The following SAMD3 variants were observed in gnomAD, a reference collection of about 807,000 sequenced individuals.
The protein encoded by SAMD3 is sterile alpha motif domain containing 3.
SAMD3 carries 63 observed loss-of-function variants against 58.5 expected under a neutral mutation model. That is an observed-to-expected ratio of 1.08 (90% CI 0.88 to 1.33). SAMD3 has a LOEUF of 1.33. Among genes scored for constraint, SAMD3 ranks in the 40% most tolerant of loss-of-function variants. The probability of loss-of-function intolerance (pLI) is 0.00; values close to 1 mark genes in which losing one functional copy is unlikely to be tolerated. For synonymous variants in SAMD3, 220 were observed against 210.3 expected (o/e 1.05, Z -0.40); for missense variants, 604 against 608.4 (o/e 0.99, Z 0.08).
intron 2 of SAMD3, among the ~76,000 whole-genome samples, chr6:130,300,180 T>C (rs1053105795): frequency 2.0e-5 from 3 of 152,160 alleles, no homozygotes; most frequent in Non-Finnish European, 2.9e-5. Flanking sequence ...GCCAATATCC[T>C]TGATAAACAC....
intron 8 of SAMD3, among the ~76,000 whole-genome samples, chr6:130,166,526 G>T (rs1582769518): frequency 1.3e-5 from 2 of 152,142 alleles, no homozygotes; most frequent in East Asian, 3.8e-4. Context: ...TGTATTCTGG[G>T]CATTCTCTCT....
At chr6:130,328,417 C>T (rs535508230) in intron 1 of SAMD3, among the ~76,000 whole-genome samples, 12 of 152,306 alleles carry the variant, frequency 7.9e-5, no homozygotes, top group African/African-American at 2.9e-4. Context: ...CCACCTCTTT[C>T]AGGGTTAAGA....
At chr6:130,341,072 G>A (rs897573151) in intron 1 of SAMD3, among the ~76,000 whole-genome samples, 1 of 151,720 alleles carries the variant, frequency 6.6e-6, no homozygotes, top group Non-Finnish European at 1.5e-5. Flanking sequence ...CCTTATTGAT[G>A]TGGGATTCCA....
At chr6:130,308,262 C>T (rs1775974165) in intron 2 of SAMD3, among the ~76,000 whole-genome samples, 1 of 152,046 alleles carries the variant, frequency 6.6e-6, no homozygotes, top group Non-Finnish European at 1.5e-5. Context: ...TTATAATAAT[C>T]TTGGAAGGTT....
intron 1 of SAMD3, among the ~76,000 whole-genome samples, chr6:130,349,354 A>C (rs1562535180): frequency 6.6e-6 from 1 of 152,208 alleles, no homozygotes; most frequent in Non-Finnish European, 1.5e-5. Flanking sequence ...AGAAGAAAAG[A>C]GAGAAGAATC....
At chr6:130,204,295 CA>C (rs1794886853) in intron 5 of SAMD3, among the ~76,000 whole-genome samples, 1 of 151,902 alleles carries the variant, frequency 6.6e-6, no homozygotes, top group Admixed American at 6.6e-5. Context: ...AATAACACTG[CA>C]AAAAAAGCTC....
At chr6:130,296,518 C>T (rs1775575260) in intron 2 of SAMD3, among the ~76,000 whole-genome samples, 1 of 152,156 alleles carries the variant, frequency 6.6e-6, no homozygotes, top group African/African-American at 2.4e-5. Context: ...CTGCCTTCCC[C>T]GATAACTTGT....
At position 130,184,101 on chromosome 6, in the gene SAMD3, A is replaced by G; in HGVS notation, c.654+2T>C. 1.2e-6 allele frequency: 2 copies of G among 1,612,908 alleles called. No individual in the cohort carries two copies. The highest frequency in any genetic ancestry group is 1.7e-6 in the Non-Finnish European group (2 of 1,178,956). On this transcript the variant is annotated splice_donor_variant, in intron 7 of 11. Coordinates refer to ENST00000439090, the MANE Select transcript of SAMD3 (RefSeq NM_001017373.4). LOFTEE classifies it high-confidence loss of function. ...ACAGGATGGTGCCATGTGGTCACTT[A>G]CGAAGCCACAGCCATCCTCATCCAG...
intron 2 of SAMD3, among the ~76,000 whole-genome samples, chr6:130,234,577 AG>A (rs1476966309): frequency 6.6e-6 from 1 of 152,138 alleles, no homozygotes; most frequent in Non-Finnish European, 1.5e-5. Flanking sequence ...TCATCCCAGA[AG>A]TTACATGTCC....
chr6:130,308,360 A>ATTCTATTCTATTCTATTCT (rs1775985920), intron 2 of SAMD3, among the ~76,000 whole-genome samples: 13 of 27,398 alleles, frequency 4.7e-4, no homozygotes, highest in African/African-American at 1.5e-3. Flanking sequence ...ATTCTATTCT[A>ATTCTATTCTATTCTATTCT]TTCTATTCTA....
At chr6:130,166,972 C>A (rs920978104) in intron 8 of SAMD3, among the ~76,000 whole-genome samples, 1 of 152,030 alleles carries the variant, frequency 6.6e-6, no homozygotes, top group Non-Finnish European at 1.5e-5. Context: ...TACACGCATG[C>A]CTTGAGCCCC....
intron 5 of SAMD3, among the ~76,000 whole-genome samples, chr6:130,194,295 T>C (rs1459275502): frequency 6.6e-6 from 1 of 152,242 alleles, no homozygotes; most frequent in African/African-American, 2.4e-5. Flanking sequence ...TCATGGCTTG[T>C]TCGGTAGCAA....
intron 5 of SAMD3, among the ~76,000 whole-genome samples, chr6:130,199,591 C>A (rs905795215): frequency 6.6e-6 from 1 of 152,140 alleles, no homozygotes; most frequent in Non-Finnish European, 1.5e-5. Context: ...GTTAATTATG[C>A]CAGTAACCTG....
intron 2 of SAMD3, among the ~76,000 whole-genome samples, chr6:130,282,407 G>A (rs1171448020): frequency 6.6e-6 from 1 of 152,144 alleles, no homozygotes; most frequent in African/African-American, 2.4e-5. Flanking sequence ...GATCATACAA[G>A]GAAGAATAGA....
intron 5 of SAMD3, among the ~76,000 whole-genome samples, chr6:130,189,060 C>A (rs1192550072): frequency 6.8e-6 from 1 of 147,610 alleles, no homozygotes; most frequent in African/African-American, 2.5e-5. Flanking sequence ...TTGTTCATCT[C>A]ATACTCAACA....
At chr6:130,272,281 A>G (rs1774592761) in intron 2 of SAMD3, among the ~76,000 whole-genome samples, 1 of 152,208 alleles carries the variant, frequency 6.6e-6, no homozygotes, top group African/African-American at 2.4e-5. Context: ...ACTGACATGT[A>G]TTCCTGTATA....
intron 2 of SAMD3, among the ~76,000 whole-genome samples, chr6:130,311,015 T>C (rs1321153540): frequency 6.6e-6 from 1 of 152,144 alleles, no homozygotes; most frequent in Non-Finnish European, 1.5e-5. Flanking sequence ...AGGTGTACCT[T>C]GGATGTATGG....
At chr6:130,283,659 C>G (rs754125918) in intron 2 of SAMD3, among the ~76,000 whole-genome samples, 2 of 152,006 alleles carry the variant, frequency 1.3e-5, no homozygotes, top group Non-Finnish European at 2.9e-5. Context: ...TACAAACTGT[C>G]ATTTGGGAAG....
chr6:130,293,568 G>A (rs1031622218), intron 2 of SAMD3, among the ~76,000 whole-genome samples: 2 of 151,042 alleles, frequency 1.3e-5, no homozygotes, highest in African/African-American at 2.4e-5. Flanking sequence ...GTAGGAAGTT[G>A]CTTTCTTTAG....
Sources: gnomAD v4.1 joint callset for allele counts (sites outside exome capture counted in the v4.1 genomes callset) on GRCh38, gnomAD v4.1.1 for gene constraint, MANE v1.5 for transcripts, NCBI Gene and HGNC (gene_info 2026-07-23, HGNC 2026-07-21) for gene names.